The following BCOR variants were observed in gnomAD, a reference collection of about 807,000 sequenced individuals.
BCOR encodes the protein BCL6 corepressor.
BCOR carries 10 observed loss-of-function variants against 86.7 expected under a neutral mutation model. That is an observed-to-expected ratio of 0.12 (90% CI 0.07 to 0.20). The LOEUF (loss-of-function observed/expected upper bound fraction) is 0.20, where lower values mean the gene tolerates loss of function less well. Among genes scored for constraint, BCOR ranks in the 10% least tolerant of loss-of-function variants. The probability of loss-of-function intolerance (pLI) is 1.00; values close to 1 mark genes in which losing one functional copy is unlikely to be tolerated. For missense variants in BCOR, 1,259 were observed against 1,452.1 expected (o/e 0.87, Z 2.16); for synonymous variants, 611 against 609.0 (o/e 1.00, Z -0.05).
chrX:40,078,405 T>C (rs750177520), intron 1 of BCOR, among the ~76,000 whole-genome samples: 1 of 112,092 alleles, frequency 8.9e-6, no homozygotes, highest in African/African-American at 3.2e-5. Flanking sequence ...ACAACTGATC[T>C]TTCCTGGGGC....
At chrX:40,156,753 G>T (rs1016427798) in intron 1 of BCOR, among the ~76,000 whole-genome samples, 2 of 112,992 alleles carry the variant, frequency 1.8e-5, no homozygotes, top group Non-Finnish European at 3.8e-5. Context: ...GGGGCCCCCC[G>T]CCGGTTCTCT....
At chrX:40,153,823 G>A (rs1369700823) in intron 1 of BCOR, among the ~76,000 whole-genome samples, 2 of 112,156 alleles carry the variant, frequency 1.8e-5, no homozygotes, top group African/African-American at 6.5e-5. Flanking sequence ...GCAGCAGCCA[G>A]TGCCTCTGCT....
In BCOR at chrX:40,064,354, G is replaced by A. The variant is rs748565286; in HGVS notation, c.3484C>T (p.Arg1162Cys). 13 of 1,212,399 alleles carry A rather than the reference G, an allele frequency of 1.1e-5. No homozygotes were observed. Among genetic ancestry groups the A allele is most frequent in the East Asian group, 3.0e-5 (1 of 33,851 alleles). The change falls in exon 7 of 15, where the codon CGC (arginine) becomes TGC (cysteine). Residue 1162 changes from arginine (R) to cysteine (C), a missense_variant. By Grantham distance (180) the Arg-to-Cys change is radical. Coordinates refer to ENST00000378444, the MANE Select transcript of BCOR (RefSeq NM_001123385.2). ...VPEDPLLKAK[R>C]RRVSKDDWPE... The stretch of plus-strand genomic sequence containing the variant: ...GGCTCACCTTTAGAGACTCGTCGGC[G>A]TTTGGCTTTCAGCAGAGGGTCCTCT...
intron 12 of BCOR, among the ~76,000 whole-genome samples, chrX:40,055,081 T>A (rs1404458037): frequency 8.9e-6 from 1 of 112,301 alleles, no homozygotes; most frequent in Non-Finnish European, 1.9e-5. Context: ...GTTTGAGTCA[T>A]TTTTCCCAGA....
At chrX:40,087,343 C>T (rs1462270582) in intron 1 of BCOR, among the ~76,000 whole-genome samples, 2 of 113,204 alleles carry the variant, frequency 1.8e-5, no homozygotes, top group African/African-American at 3.2e-5. Context: ...GCAAATTACA[C>T]GCCTAATCGG....
At chrX:40,066,573 T>A (rs1289415661) in intron 6 of BCOR, among the ~76,000 whole-genome samples, 1 of 111,437 alleles carries the variant, frequency 9.0e-6, no homozygotes, top group East Asian at 2.8e-4. Context: ...TTAGCCCTGA[T>A]ATTTATGAAA....
chrX:40,068,215 C>T lies in BCOR; in HGVS notation c.3238+2758G>A, dbSNP rs189435518. The T allele has an allele frequency of 1.2e-4, 13 of 112,238 alleles. No individual in the cohort carries two copies. In the Admixed American group the frequency reaches 1.2e-3, roughly 11 times the overall value. The allele number at this position is 112,238 out of a possible 1,213,427, so 9.2% of individuals were successfully genotyped here. A position where few individuals can be genotyped will look rare whatever the true frequency, so the allele number is the denominator to read the frequency against. On this transcript the variant is annotated intron_variant, in intron 6 of 14. Coordinates refer to ENST00000378444, the MANE Select transcript of BCOR (RefSeq NM_001123385.2). ...CACCGTGGCAACAAAGCAACCTCAC[C>T]ACTGTTATAACCACGCCCAGTAAGC...
chrX:40,069,020 G>A (rs1444764820), intron 6 of BCOR, among the ~76,000 whole-genome samples: 3 of 112,518 alleles, frequency 2.7e-5, no homozygotes, highest in African/African-American at 9.7e-5. Flanking sequence ...CCCCACCCCA[G>A]TTTCCATATG....
intron 1 of BCOR, among the ~76,000 whole-genome samples, chrX:40,083,907 C>T (rs777856229): frequency 6.9e-4 from 77 of 111,992 alleles, no homozygotes; most frequent in African/African-American, 2.3e-3. Context: ...CCCGAGGCCC[C>T]GCCGCACCTT....
chrX:40,161,506 C>CTTTTT (rs749528691), intron 1 of BCOR, among the ~76,000 whole-genome samples: 5 of 55,985 alleles, frequency 8.9e-5, no homozygotes, highest in Non-Finnish European at 1.6e-4. Context: ...CGATTCTCCC[C>CTTTTT]TTTTTTTTTT....
At chrX:40,166,790 G>A (rs1336564220) in intron 1 of BCOR, among the ~76,000 whole-genome samples, 1 of 112,305 alleles carries the variant, frequency 8.9e-6, no homozygotes. Flanking sequence ...TCTCTGGGGG[G>A]TTGGACCAGT....
In BCOR at chrX:40,081,675, C is replaced by T. The variant is rs554362835; in HGVS notation, c.-40-3706G>A. ...GATGTGTGAAGTCACTCATGAAAAG[C>T]ACTTTACAAGCACCAACCTGTTCCA... On this transcript the variant is annotated intron_variant, in intron 1 of 14. Coordinates refer to ENST00000378444, the MANE Select transcript of BCOR (RefSeq NM_001123385.2). Among the ~76,000 whole-genome samples the T allele has an allele frequency of 9.7e-5, 11 of 113,018 alleles. No individual in the cohort carries two copies. The South Asian group carries it at 4.0e-3, about 41-fold the overall frequency.
intron 1 of BCOR, among the ~76,000 whole-genome samples, chrX:40,089,522 T>G (rs970118996): frequency 1.8e-5 from 2 of 111,647 alleles, no homozygotes; most frequent in African/African-American, 6.5e-5. Flanking sequence ...CAGTTTCTCC[T>G]GTATCTAAGT....
Position 40,073,225 on chromosome X carries a change from G to A in BCOR, c.2121C>T (p.Pro707=). ...AGGTCACAAACTCTGGACGGCCGGT[G>A]GGAAGCCCATAGGGCAGCCCAGGCT... The part of the protein sequence containing the change: ...APKPGLPYGL[P]TGRPEFVTYQ... Residue 707 remains proline, a synonymous_variant, in exon 4 of 15, where the codon CCC becomes CCT. Transcript: ENST00000378444. 1 of 1,212,251 alleles carries A rather than the reference G, an allele frequency of 8.2e-7. No individual in the cohort carries two copies. The highest frequency in any genetic ancestry group is 1.1e-6 in the Non-Finnish European group (1 of 895,616).
At chrX:40,095,307 CAATT>C (rs1233695623) in intron 1 of BCOR, among the ~76,000 whole-genome samples, 4 of 111,792 alleles carry the variant, frequency 3.6e-5, no homozygotes, top group Non-Finnish European at 7.5e-5. Flanking sequence ...TTGAGGCTGA[CAATT>C]AAAATGCCTT....
intron 6 of BCOR, among the ~76,000 whole-genome samples, chrX:40,070,610 AGGGAG>A (rs1935428302): frequency 9.0e-6 from 1 of 111,381 alleles, no homozygotes; most frequent in Non-Finnish European, 1.9e-5. Context: ...ATGCCTTTGG[AGGGAG>A]AATATAAGGA....
rs1205113048 is a variant in BCOR at position 40,052,342 on chromosome X, T to G, written c.5035A>C (p.Ile1679Leu). 1 of 1,210,060 alleles carries G rather than the reference T, an allele frequency of 8.3e-7. No individual in the cohort carries two copies. Among genetic ancestry groups the G allele is most frequent in the Non-Finnish European group, 1.1e-6 (1 of 895,166 alleles). Reference protein sequence around the residue: ...VLKKLKMSSRIFRCNFPNVEI... With the variant: ...VLKKLKMSSRLFRCNFPNVEI... The stretch of plus-strand genomic sequence containing the variant: ...ACGTTTGGAAAATTGCAGCGAAATA[T>G]GCGGGAGGACATTTTCAATTTCTTA... Residue 1679 changes from isoleucine (I) to leucine (L), a missense_variant, in exon 15 of 15, where the codon ATA becomes CTA. By Grantham distance (5) the Ile-to-Leu change is conservative (BLOSUM62 2). Transcript: ENST00000378444.
At chrX:40,105,142 G>A (rs1385083608) in intron 1 of BCOR, among the ~76,000 whole-genome samples, 1 of 110,919 alleles carries the variant, frequency 9.0e-6, no homozygotes, top group Non-Finnish European at 1.9e-5. Context: ...TGGGAGGCGC[G>A]CGGCCGTTCC....
intron 3 of BCOR, among the ~76,000 whole-genome samples, chrX:40,075,979 G>T (rs1311407404): frequency 2.7e-5 from 3 of 111,049 alleles, no homozygotes; most frequent in Non-Finnish European, 5.7e-5. Flanking sequence ...AACAGAACAA[G>T]AAACGATCTT....
Sources: allele counts gnomAD v4.1 joint callset (sites outside exome capture counted in the v4.1 genomes callset), GRCh38; gene constraint gnomAD v4.1.1; transcripts MANE v1.5; gene names NCBI Gene and HGNC (gene_info 2026-07-23, HGNC 2026-07-21).